Variants in AMOTL1 observed in about 807,000 individuals in gnomAD.
AMOTL1 encodes angiomotin-like protein 1.
AMOTL1 carries 45 observed loss-of-function variants against 102.9 expected under a neutral mutation model. The ratio of observed to expected loss-of-function variants is 0.44; its 90% confidence interval spans 0.34 to 0.56. The LOEUF is 0.56. Ranked by LOEUF, AMOTL1 falls within the 20% of genes least tolerant of loss-of-function variation. The pLI is 0.01. For missense variants in AMOTL1, 1,114 were observed against 1,225.6 expected (o/e 0.91, Z 1.36); for synonymous variants, 481 against 484.7 (o/e 0.99, Z 0.10).
chr11:94,782,206 G>T (rs1425301334), intron 1 of AMOTL1, among the ~76,000 whole-genome samples: 1 of 152,144 alleles, frequency 6.6e-6, no homozygotes, highest in African/African-American at 2.4e-5. Flanking sequence ...TCTGGCTTGG[G>T]CATTTGGTAG....
chr11:94,799,550 C>T lies in AMOTL1; in HGVS notation c.360C>T (p.Ala120=), dbSNP rs760176572. ...CAACCGAGAACATGAACTTGCTGGC[C>T]ATTCAGCACCAGGCCACAGGGAGTG... ...GTPTENMNLL[A]IQHQATGSAG... The change falls in exon 3 of 13, where the codon GCC becomes GCT. Residue 120 remains alanine (A), a synonymous_variant. Transcript: ENST00000433060. The surrounding 1 kb of genome is among the most constrained non-coding windows in gnomAD (Gnocchi z 4.5). 1 of 1,613,708 alleles carries T rather than the reference C, an allele frequency of 6.2e-7. No individual in the cohort carries two copies. The highest frequency in any genetic ancestry group is 1.7e-5 in the Admixed American group (1 of 59,998).
At chr11:94,808,693 C>T (rs1225010719) in intron 3 of AMOTL1, among the ~76,000 whole-genome samples, 2 of 152,132 alleles carry the variant, frequency 1.3e-5, no homozygotes, top group Non-Finnish European at 2.9e-5. Context: ...GGTACATGCA[C>T]AATGGTCTAG....
intron 6 of AMOTL1, among the ~76,000 whole-genome samples, chr11:94,835,261 T>C (rs1952154550): frequency 6.6e-6 from 1 of 152,218 alleles, no homozygotes; most frequent in Non-Finnish European, 1.5e-5. Context: ...CCAACTCCTG[T>C]TTGGTCTGGC....
At chr11:94,783,466 T>C (rs918435728) in intron 1 of AMOTL1, among the ~76,000 whole-genome samples, 1 of 152,182 alleles carries the variant, frequency 6.6e-6, no homozygotes, top group African/African-American at 2.4e-5. Context: ...TGTAGTGAAC[T>C]CCATGAAATT....
intron 3 of AMOTL1, among the ~76,000 whole-genome samples, chr11:94,806,616 A>G (rs998338992): frequency 6.6e-6 from 1 of 152,346 alleles, no homozygotes; most frequent in Non-Finnish European, 1.5e-5. Context: ...TTTAGGCCGA[A>G]TTATGGCTGG....
chr11:94,804,139 T>G (rs1951528276), intron 3 of AMOTL1, among the ~76,000 whole-genome samples: 1 of 152,198 alleles, frequency 6.6e-6, no homozygotes, highest in African/African-American at 2.4e-5. Context: ...TATTTAGAAA[T>G]GAAATTATTG....
intron 8 of AMOTL1, among the ~76,000 whole-genome samples, chr11:94,855,354 C>T (rs1294486719): frequency 1.3e-5 from 2 of 152,140 alleles, no homozygotes; most frequent in Non-Finnish European, 2.9e-5. Context: ...GTGGATAGCT[C>T]GTAAGAAAAG....
chr11:94,809,234 G>A (rs1232249544), intron 3 of AMOTL1, among the ~76,000 whole-genome samples: 2 of 152,100 alleles, frequency 1.3e-5, no homozygotes, highest in Non-Finnish European at 2.9e-5. Context: ...GCCTCCCAAA[G>A]TGTTGGGATT....
At chr11:94,791,171 A>G (rs1403729908) in intron 1 of AMOTL1, among the ~76,000 whole-genome samples, 2 of 152,248 alleles carry the variant, frequency 1.3e-5, no homozygotes, top group Non-Finnish European at 2.9e-5. Flanking sequence ...TCATGTTGAC[A>G]AATGACGTGC....
At chr11:94,723,190 A>G (rs1445341433) in intron 1 of AMOTL1, among the ~76,000 whole-genome samples, 1 of 152,128 alleles carries the variant, frequency 6.6e-6, no homozygotes, top group African/African-American at 2.4e-5. Context: ...GTGGGAACGG[A>G]AGGGTGAACA....
intron 2 of AMOTL1, chr11:94,740,804 C>A: frequency 1.5e-6 from 1 of 645,528 alleles, no homozygotes; most frequent in South Asian, 1.6e-5. Flanking sequence ...GCGGGGCCTC[C>A]GGCTCAGGGA....
At chr11:94,786,169 A>G (rs1374759915) in intron 1 of AMOTL1, among the ~76,000 whole-genome samples, 2 of 152,220 alleles carry the variant, frequency 1.3e-5, no homozygotes, top group East Asian at 3.8e-4. Context: ...TAAGCAACAA[A>G]TATATCAACA....
intron 7 of AMOTL1, among the ~76,000 whole-genome samples, chr11:94,853,322 C>T (rs1373792571): frequency 2.0e-5 from 3 of 152,082 alleles, no homozygotes; most frequent in Non-Finnish European, 4.4e-5. Context: ...CCAACTTGCC[C>T]TGGTATGTTT....
chr11:94,759,571 C>CAA (rs59815376), intron 3 of AMOTL1, among the ~76,000 whole-genome samples: 5,212 of 129,478 alleles, frequency 0.04, 173 homozygotes, highest in African/African-American at 0.086. Flanking sequence ...CTTTTAGGTG[C>CAA]AAAAAAAAAA....
intron 3 of AMOTL1, among the ~76,000 whole-genome samples, chr11:94,814,045 C>A (rs1213421392): frequency 6.6e-6 from 1 of 152,214 alleles, no homozygotes; most frequent in African/African-American, 2.4e-5. Context: ...CCCTTCTACT[C>A]AGGTAGCTTC....
Position 94,866,542 on chromosome 11 carries a change from A to G in AMOTL1, c.2488+374A>G, listed in dbSNP as rs148840591. 1.3e-3 allele frequency: 326 copies of G among 247,394 alleles called. 4 individuals carry two copies. Among genetic ancestry groups the G allele is most frequent in the African/African-American group, 7.0e-3 (311 of 44,684 alleles). The allele number at this position is 247,394 out of a possible 1,614,324, so 15.3% of individuals were successfully genotyped here. On this transcript the variant is annotated intron_variant, in intron 11 of 12. Transcript: ENST00000433060. ...GCTCCACCTCTGCTTCCACGTCTGG[A>G]AAGGGAGGACAGTGTCTGCCTGCTT... is the stretch of plus-strand genomic sequence containing the variant.
intron 2 of AMOTL1, among the ~76,000 whole-genome samples, chr11:94,733,648 G>C (rs1950390507): frequency 6.6e-6 from 1 of 152,178 alleles, no homozygotes; most frequent in African/African-American, 2.4e-5. Context: ...ATAAGATCAT[G>C]GTCTCTGCAT....
At chr11:94,806,931 G>T (rs946497860) in intron 3 of AMOTL1, among the ~76,000 whole-genome samples, 6 of 152,144 alleles carry the variant, frequency 3.9e-5, no homozygotes, top group Non-Finnish European at 7.4e-5. Flanking sequence ...ATTTCAGGGG[G>T]TTTGGGTTCT....
chr11:94,799,246 C>A lies in AMOTL1; in HGVS notation c.200-144C>A, dbSNP rs1951422544. 1.4e-6 allele frequency: 1 copy of A among 712,680 alleles called. No individual in the cohort carries two copies. The highest frequency in any genetic ancestry group is 2.3e-6 in the Non-Finnish European group (1 of 441,990). 44.1% of individuals were successfully genotyped at this position (712,680 alleles called of 1,614,324 possible). Reference sequence around the variant, plus strand: ...GAGAAGAAAATTCCATGAGACATTGCCAGGTAAATGGAGGTGATGATGCAT... The same window carrying A: ...GAGAAGAAAATTCCATGAGACATTGACAGGTAAATGGAGGTGATGATGCAT... On this transcript the variant is annotated intron_variant, in intron 2 of 12. Coordinates refer to ENST00000433060, the MANE Select transcript of AMOTL1 (RefSeq NM_130847.3). This position sits in a 1 kb window ranked among gnomAD's most constrained non-coding sequence, Gnocchi z 4.5.
Sources: gnomAD v4.1 joint callset for allele counts (sites outside exome capture counted in the v4.1 genomes callset) on GRCh38, gnomAD v4.1.1 for gene constraint, Gnocchi (gnomAD v3.1) non-coding constraint, MANE v1.5 for transcripts, NCBI Gene and HGNC (gene_info 2026-07-23, HGNC 2026-07-21) for gene names.